Variants in SDK1 observed in about 807,000 individuals in gnomAD.
SDK1 encodes protein sidekick-1.
SDK1 carries 157 observed loss-of-function variants against 245.5 expected under a neutral mutation model. The ratio of observed to expected loss-of-function variants is 0.64; its 90% CI spans 0.56 to 0.73. The LOEUF (loss-of-function observed/expected upper bound fraction) is 0.73, where lower values mean the gene tolerates loss of function less well. Ranked by LOEUF, SDK1 falls within the 30% of genes least tolerant of loss-of-function variation. The pLI, the probability that SDK1 is intolerant of heterozygous loss-of-function variation, is 0.00. For missense variants in SDK1, 3,583 were observed against 3,002.3 expected (o/e 1.19, Z -4.52); for synonymous variants, 1,647 against 1,278.5 (o/e 1.29, Z -6.15).
intron 1 of SDK1, among the ~76,000 whole-genome samples, chr7:3,592,560 G>T (rs76659737): frequency 1.3e-5 from 2 of 152,088 alleles, no homozygotes; most frequent in African/African-American, 4.8e-5. Flanking sequence ...GCCCAGTGAA[G>T]GTTATTTATT....
At chr7:3,982,475 A>C (rs1215083417) in intron 13 of SDK1, among the ~76,000 whole-genome samples, 3 of 152,210 alleles carry the variant, frequency 2.0e-5, no homozygotes, top group Non-Finnish European at 4.4e-5. Context: ...ATGGATGATA[A>C]TTCCTCTGAT....
At chr7:3,887,981 C>A (rs751242759) in intron 5 of SDK1, among the ~76,000 whole-genome samples, 1 of 152,128 alleles carries the variant, frequency 6.6e-6, no homozygotes, top group East Asian at 1.9e-4. Flanking sequence ...GAAAAAGTGA[C>A]CACTATGTAG....
At chr7:3,390,991 C>T (rs1437553108) in intron 1 of SDK1, among the ~76,000 whole-genome samples, 1 of 152,140 alleles carries the variant, frequency 6.6e-6, no homozygotes, top group Non-Finnish European at 1.5e-5. Context: ...GAGCCAATGT[C>T]TATACTATGG....
intron 41 of SDK1, among the ~76,000 whole-genome samples, chr7:4,236,292 C>T (rs1243863883): frequency 1.3e-5 from 2 of 152,174 alleles, no homozygotes; most frequent in East Asian, 1.9e-4. Context: ...CTGAATGGGA[C>T]GCCGGGACCA....
At chr7:3,601,488 C>T (rs1583214307) in intron 1 of SDK1, among the ~76,000 whole-genome samples, 1 of 151,810 alleles carries the variant, frequency 6.6e-6, no homozygotes, top group African/African-American at 2.4e-5. Context: ...ATCTTCTAAG[C>T]TGTTAAATTT....
At chr7:4,241,628 C>G (rs28707186) in intron 42 of SDK1, among the ~76,000 whole-genome samples, 165 bp from the exon 43 acceptor site, 9,036 of 152,310 alleles carry the variant, frequency 0.059, 893 homozygotes, top group African/African-American at 0.21. Context: ...GTACCTAGCT[C>G]TTCTCCCCAG....
chr7:3,317,277 G>C (rs1779687610), intron 1 of SDK1, among the ~76,000 whole-genome samples: 1 of 148,768 alleles, frequency 6.7e-6, no homozygotes, highest in Non-Finnish European at 1.5e-5. Flanking sequence ...AAAGATTATA[G>C]TAATTTTTAA....
In SDK1 at chr7:3,685,558, A is replaced by G. The variant is rs187425185; in HGVS notation, c.713+43453A>G. On this transcript the variant is annotated intron_variant, in intron 4 of 44. Coordinates refer to ENST00000404826, the MANE Select transcript of SDK1 (RefSeq NM_152744.4). The stretch of plus-strand genomic sequence containing the variant: ...AAAAATAGGGGCAAATATAATACAC[A>G]ATCAAACTTCTGTTGAGGTTCATAT... 2.0e-5 allele frequency among the ~76,000 whole-genome samples: 3 copies of G among 152,210 alleles called. No homozygotes were observed. The South Asian group carries it at 6.2e-4, about 32-fold the overall frequency.
chr7:4,189,014 C>T (rs1183781826), intron 35 of SDK1, among the ~76,000 whole-genome samples: 1 of 151,888 alleles, frequency 6.6e-6, no homozygotes, highest in South Asian at 2.1e-4. Flanking sequence ...TCTAAAATTT[C>T]TCAGCCATTC....
At chr7:3,390,757 C>G (rs189838061) in intron 1 of SDK1, among the ~76,000 whole-genome samples, 1 of 152,076 alleles carries the variant, frequency 6.6e-6, no homozygotes, top group Non-Finnish European at 1.5e-5. Context: ...ACAAATTCTC[C>G]CTTTGAGCCC....
chr7:3,973,858 A>T (rs1286604090), intron 12 of SDK1, among the ~76,000 whole-genome samples: 2 of 151,618 alleles, frequency 1.3e-5, no homozygotes, highest in African/African-American at 4.8e-5. Context: ...TTTTTTTATT[A>T]TTTTTTGGTT....
chr7:4,064,299 G>C (rs773200541), intron 19 of SDK1, among the ~76,000 whole-genome samples: 33 of 152,182 alleles, frequency 2.2e-4, no homozygotes, highest in Non-Finnish European at 4.4e-4. Flanking sequence ...ACATACAGAT[G>C]GTCAACGTGT....
At chr7:4,144,497 G>A (rs902377998) in intron 28 of SDK1, among the ~76,000 whole-genome samples, 3 of 152,116 alleles carry the variant, frequency 2.0e-5, no homozygotes, top group Non-Finnish European at 4.4e-5. Flanking sequence ...CTGATGTGAG[G>A]ATGCCCTTGA....
In SDK1 at chr7:4,268,524, A is replaced by G. The variant is rs375922370; in HGVS notation, c.*3140A>G. The G allele has an allele frequency of 6.6e-5, 81 of 1,230,908 alleles. No individual in the cohort carries two copies. The East Asian group carries it at 1.4e-3, about 21-fold the overall frequency. 76.2% of individuals were successfully genotyped at this position (1,230,908 alleles called of 1,614,324 possible). On this transcript the variant is annotated 3_prime_UTR_variant, in exon 45 of 45. Transcript: ENST00000404826. ...AGGGAGAGGGGACCCAGATGGCCAC[A>G]CACGGAACGCGCCTCCACAGCCCCG...
chr7:3,646,943 A>T (rs779868391), intron 4 of SDK1, among the ~76,000 whole-genome samples: 13 of 152,208 alleles, frequency 8.5e-5, no homozygotes, highest in Middle Eastern at 3.2e-3. Context: ...GTTGCCAGGG[A>T]CTTGGGGGAA....
intron 1 of SDK1, among the ~76,000 whole-genome samples, chr7:3,613,685 A>G (rs1242776828): frequency 6.6e-6 from 1 of 152,212 alleles, no homozygotes; most frequent in African/African-American, 2.4e-5. Flanking sequence ...AGAGACACAA[A>G]GACACATATG....
chr7:3,580,995 C>CAAAA (rs1562578386), intron 1 of SDK1, among the ~76,000 whole-genome samples: 1 of 59,404 alleles, frequency 1.7e-5, no homozygotes, highest in East Asian at 7.5e-4. Flanking sequence ...AAAAAAAAAA[C>CAAAA]CAAAACAAAA....
chr7:3,436,267 T>C (rs894096790), intron 1 of SDK1, among the ~76,000 whole-genome samples: 3 of 152,168 alleles, frequency 2.0e-5, no homozygotes, highest in Non-Finnish European at 4.4e-5. Context: ...GAAAACTTTT[T>C]AGATAGGATT....
chr7:3,341,126 A>G (rs1019926432), intron 1 of SDK1, among the ~76,000 whole-genome samples: 5 of 152,178 alleles, frequency 3.3e-5, no homozygotes, highest in Non-Finnish European at 5.9e-5. Context: ...CCTCAAGAAA[A>G]TATTAGCAAA....
Sources: gnomAD v4.1 joint callset for allele counts (sites outside exome capture counted in the v4.1 genomes callset) on GRCh38, gnomAD v4.1.1 for gene constraint, MANE v1.5 for transcripts, NCBI Gene and HGNC (gene_info 2026-07-23, HGNC 2026-07-21) for gene names.